Variants in RIPOR3 observed in about 807,000 individuals in gnomAD.
RIPOR3 encodes the protein RIPOR family member 3, also known as family with sequence similarity 65 member C.
Under a neutral mutation model 114.3 loss-of-function variants are expected in RIPOR3, and 95 were observed. The ratio of observed to expected loss-of-function variants is 0.83; its 90% CI spans 0.70 to 0.99. RIPOR3 has a LOEUF of 0.99. RIPOR3 is among the 50% of genes least tolerant of loss of function. The pLI is 0.00. For missense variants in RIPOR3, 1,252 were observed against 1,266.9 expected (o/e 0.99, Z 0.18); for synonymous variants, 575 against 543.8 (o/e 1.06, Z -0.80).
intron 21 of RIPOR3, among the ~76,000 whole-genome samples, chr20:50,587,567 A>G (rs2082961046): frequency 6.6e-6 from 1 of 152,116 alleles, no homozygotes; most frequent in African/African-American, 2.4e-5. Context: ...TCTGGCTTCT[A>G]TCCCAAAGGT....
chr20:50,628,139 G>A (rs1009154669), intron 2 of RIPOR3, among the ~76,000 whole-genome samples: 45 of 152,206 alleles, frequency 3.0e-4, no homozygotes, highest in African/African-American at 9.4e-4. Flanking sequence ...TTTCCTGGCC[G>A]GTTTATACTT....
chr20:50,633,217 A>G (rs1171143419), intron 1 of RIPOR3, among the ~76,000 whole-genome samples: 23 of 152,168 alleles, frequency 1.5e-4, no homozygotes, highest in Admixed American at 1.4e-3. Context: ...AGCTGAGATC[A>G]TGCCACTGCA....
intron 17 of RIPOR3, 41 bp downstream of exon 17, chr20:50,594,512 C>A (rs2083222213): frequency 1.9e-6 from 3 of 1,594,478 alleles, no homozygotes; most frequent in Non-Finnish European, 2.6e-6. Flanking sequence ...CTCAATACAG[C>A]CTTTCTGTGG....
intron 1 of RIPOR3, among the ~76,000 whole-genome samples, chr20:50,667,286 CTTTTTTTTTTTT>C (rs139859156): frequency 5.9e-5 from 4 of 67,568 alleles, no homozygotes; most frequent in African/African-American, 2.2e-4. Flanking sequence ...CTTTAAACTA[CTTTTTTTTTTTT>C]TTTTTTTTTT....
rs771975538 is a variant in RIPOR3 at position 50,604,773 on chromosome 20, G to T, written c.958C>A (p.Pro320Thr). 6.2e-7 allele frequency: 1 copy of T among 1,607,366 alleles called. No individual in the cohort carries two copies. Among genetic ancestry groups the T allele is most frequent in the Non-Finnish European group, 8.5e-7 (1 of 1,177,760 alleles). ...IKLQLEVQWN[P>T]FDTESFLVSP... ...ACCAGGAAGCTCTCAGTATCAAACGGGCTGGAGGAGAGAACAGAAGGTCAG... is the reference window on the plus strand; with the variant it reads ...ACCAGGAAGCTCTCAGTATCAAACGTGCTGGAGGAGAGAACAGAAGGTCAG... The change falls in exon 12 of 22, where the codon CCG becomes ACG. Residue 320 changes from proline to threonine, a missense_variant and splice_region_variant. Coordinates refer to ENST00000327979, the MANE Select transcript of RIPOR3 (RefSeq NM_001290268.2).
intron 1 of RIPOR3, among the ~76,000 whole-genome samples, chr20:50,662,489 C>T (rs1568939520): frequency 1.3e-5 from 2 of 152,208 alleles, no homozygotes; most frequent in Admixed American, 6.5e-5. Flanking sequence ...TTCATAGGTG[C>T]AGCCGTGACT....
chr20:50,687,859 C>T (rs936482486), intron 1 of RIPOR3, among the ~76,000 whole-genome samples: 3 of 151,070 alleles, frequency 2.0e-5, no homozygotes, highest in Non-Finnish European at 2.9e-5. Flanking sequence ...GCCATGATTA[C>T]GCCACTGTCC....
chr20:50,622,548 A>T (rs2084454388), intron 2 of RIPOR3, among the ~76,000 whole-genome samples: 1 of 152,116 alleles, frequency 6.6e-6, no homozygotes. Context: ...CAGGGGCGGG[A>T]ATAACGGTAT....
intron 1 of RIPOR3, among the ~76,000 whole-genome samples, chr20:50,674,260 G>A (rs908667075): frequency 6.6e-6 from 1 of 152,114 alleles, no homozygotes. Flanking sequence ...TGGAGTCAGA[G>A]AGAAAAGAGT....
chr20:50,591,714 C>G (rs1215851253), intron 19 of RIPOR3, among the ~76,000 whole-genome samples: 2 of 152,344 alleles, frequency 1.3e-5, no homozygotes, highest in South Asian at 2.1e-4. Flanking sequence ...GAGAGGTCCA[C>G]TCTCTTGGTT....
chr20:50,642,605 A>AT (rs2123336933), intron 1 of RIPOR3, among the ~76,000 whole-genome samples: 1 of 131,032 alleles, frequency 7.6e-6, no homozygotes, highest in Non-Finnish European at 1.6e-5. Flanking sequence ...CCCTCCCCCC[A>AT]TGAGGCCTTA....
Position 50,671,781 on chromosome 20 carries a change from CGAAG to C in RIPOR3, c.3+19341_3+19344del, listed in dbSNP as rs1487254926. On this transcript the variant is annotated intron_variant, in intron 1 of 21. Coordinates refer to ENST00000327979, the MANE Select transcript of RIPOR3 (RefSeq NM_001290268.2). ...GTGGGTGAATAGATGAATGGGTGGGCGAAGGGATGGATGGATGGATGGATGGATA... is the reference window on the plus strand; with the variant it reads ...GTGGGTGAATAGATGAATGGGTGGGCGGATGGATGGATGGATGGATGGATA... Among the ~76,000 whole-genome samples, 12 of 144,954 alleles carry C rather than the reference CGAAG, an allele frequency of 8.3e-5. 1 individual carries two copies. In the East Asian group the frequency reaches 2.5e-3, roughly 30 times the overall value.
At position 50,589,781 on chromosome 20, in the gene RIPOR3, A is replaced by T; in HGVS notation, c.2578-12T>A. On this transcript the variant is annotated splice_polypyrimidine_tract_variant and intron_variant, in intron 19 of 21. Coordinates refer to ENST00000327979, the MANE Select transcript of RIPOR3 (RefSeq NM_001290268.2). ...TAGAACAGCAAAGCCTGGGGAGAGTAAGGAGGCTGTGAATGGAGGGGTAAG... is the reference window on the plus strand; with the variant it reads ...TAGAACAGCAAAGCCTGGGGAGAGTTAGGAGGCTGTGAATGGAGGGGTAAG... 1.2e-6 allele frequency: 2 copies of T among 1,611,174 alleles called. No homozygotes were observed. The highest frequency in any genetic ancestry group is 1.7e-6 in the Non-Finnish European group (2 of 1,178,434).
rs1430597201 is a variant in RIPOR3, at chr20:50,587,799, T to TA, written c.2752+2dup. ...GCGCTGCACAGTTTGTGCCACTTTT[T>TA]ACCGAACGACAGTGTGGTTTCCCGG... On this transcript the variant is annotated splice_region_variant and intron_variant, in intron 21 of 21. Transcript: ENST00000327979. The TA allele has an allele frequency of 1.2e-6, 2 of 1,614,144 alleles. No individual in the cohort carries two copies. Among genetic ancestry groups the TA allele is most frequent in the Admixed American group, 3.3e-5 (2 of 60,028 alleles).
At chr20:50,655,669 C>CTGTGTGTGTGTGTGTG (rs11469999) in intron 1 of RIPOR3, among the ~76,000 whole-genome samples, 18 of 145,284 alleles carry the variant, frequency 1.2e-4, no homozygotes, top group African/African-American at 4.6e-4. Flanking sequence ...TTAGCGTGGG[C>CTGTGTGTGTGTGTGTG]TGTGTGTGTG....
chr20:50,612,192 T>C (rs2084003257), intron 4 of RIPOR3, among the ~76,000 whole-genome samples: 1 of 151,876 alleles, frequency 6.6e-6, no homozygotes, highest in African/African-American at 2.4e-5. Context: ...ACCTTAGAGT[T>C]ACTTCTAGAA....
At chr20:50,654,836 C>G (rs570310414) in intron 1 of RIPOR3, among the ~76,000 whole-genome samples, 203 of 152,280 alleles carry the variant, frequency 1.3e-3, no homozygotes, top group Non-Finnish European at 2.5e-3. Context: ...GCCTCAACTT[C>G]CCAAACTCAG....
intron 1 of RIPOR3, among the ~76,000 whole-genome samples, chr20:50,632,403 CTGTG>C (rs2084847631): frequency 1.3e-5 from 2 of 152,190 alleles, no homozygotes. Flanking sequence ...CTGGCTGTCT[CTGTG>C]CAATTGGCTA....
At chr20:50,672,146 G>C (rs1376388253) in intron 1 of RIPOR3, among the ~76,000 whole-genome samples, 1 of 152,120 alleles carries the variant, frequency 6.6e-6, no homozygotes, top group Admixed American at 6.6e-5. Flanking sequence ...AGTCCCGATG[G>C]GGCTGTGAAT....
Sources: gnomAD v4.1 joint callset for allele counts (sites outside exome capture counted in the v4.1 genomes callset) on GRCh38, gnomAD v4.1.1 for gene constraint, MANE v1.5 for transcripts, NCBI Gene and HGNC (gene_info 2026-07-23, HGNC 2026-07-21) for gene names.